The following CYSLTR1 variants were observed in gnomAD, a reference collection of about 807,000 sequenced individuals.
CYSLTR1 encodes the protein cysteinyl leukotriene receptor 1.
In CYSLTR1, 1 loss-of-function variant was observed where a neutral mutation model predicts 2.1. The observed-to-expected ratio is 0.48, with a 90% CI of 0.17 to 2.28. CYSLTR1 has a LOEUF of 2.28. CYSLTR1 is among the 30% of genes most tolerant of loss of function. The probability of loss-of-function intolerance (pLI) is 0.26; values close to 1 mark genes in which losing one functional copy is unlikely to be tolerated. For synonymous variants in CYSLTR1, 110 were observed against 89.6 expected, an observed-to-expected ratio of 1.23 and a Z score of -1.28; for missense variants, 299 against 250.1, an observed-to-expected ratio of 1.20 and a Z score of -1.32.
Position 78,273,215 on chromosome X carries a change from G to A in CYSLTR1, c.532C>T (p.Gln178Ter). 8.3e-7 allele frequency: 1 copy of A among 1,211,028 alleles called. No individual in the cohort carries two copies. Among genetic ancestry groups the A allele is most frequent in the African/African-American group, 1.7e-5 (1 of 57,708 alleles). The change falls in exon 3 of 3, where the codon CAA (glutamine) becomes TAA (stop). Residue 178 changes from glutamine (Q) to a stop codon, truncating the protein, a stop_gained. Coordinates refer to ENST00000373304, the MANE Select transcript of CYSLTR1 (RefSeq NM_006639.4). LOFTEE classifies it low-confidence loss of function (END_TRUNC). ...ACATGATTTTTAGTTTGATTGTCTT[G>A]TGGGGGCTCAAAGCACTTGGTATTA... ...KNNTKCFEPP[Q>*]DNQTKNHVLV... is the part of the protein sequence containing the mutation.
chrX:78,313,599 T>G (rs1406805037), intron 1 of CYSLTR1, among the ~76,000 whole-genome samples: 1 of 111,740 alleles, frequency 8.9e-6, no homozygotes, highest in East Asian at 2.8e-4. Context: ...CTCACTGAGA[T>G]GTATGAACTG....
chrX:78,319,699 C>T (rs185197659), intron 1 of CYSLTR1: 4 of 112,066 alleles, frequency 3.6e-5, no homozygotes, highest in African/African-American at 9.7e-5. Context: ...CAGACTTCCA[C>T]AATGGTTGGA....
At chrX:78,318,767 T>C (rs1923518905) in intron 1 of CYSLTR1, 1 of 111,690 alleles carries the variant, frequency 9.0e-6, no homozygotes, top group South Asian at 3.7e-4. Context: ...ACAGTAATAG[T>C]CTTCCAGTAA....
chrX:78,295,789 G>T (rs1395362486), intron 1 of CYSLTR1, among the ~76,000 whole-genome samples: 1 of 111,101 alleles, frequency 9.0e-6, no homozygotes, highest in Non-Finnish European at 1.9e-5. Flanking sequence ...ATATATTATG[G>T]TTATAAATCT....
At chrX:78,316,317 C>A (rs372512811) in intron 1 of CYSLTR1, among the ~76,000 whole-genome samples, 1 of 112,060 alleles carries the variant, frequency 8.9e-6, no homozygotes, top group Non-Finnish European at 1.9e-5. Context: ...GATTTTGCAA[C>A]AATTTCAACT....
chrX:78,318,225 G>A (rs775627765), intron 1 of CYSLTR1, among the ~76,000 whole-genome samples: 4 of 112,249 alleles, frequency 3.6e-5, no homozygotes, highest in Non-Finnish European at 5.6e-5. Context: ...ATGAGATTAT[G>A]TCCTTTGTAG....
At chrX:78,288,514 C>T (rs1447467474) in intron 1 of CYSLTR1, among the ~76,000 whole-genome samples, 1 of 108,322 alleles carries the variant, frequency 9.2e-6, no homozygotes, top group East Asian at 2.9e-4. Context: ...CCATTTGTTG[C>T]TTTGTCATTA....
intron 1 of CYSLTR1, among the ~76,000 whole-genome samples, chrX:78,288,574 A>T: frequency 9.1e-6 from 1 of 109,339 alleles, no homozygotes; most frequent in Admixed American, 9.7e-5. Context: ...TTTATTTTTC[A>T]TTTCTGTGGG....
At chrX:78,275,119 G>A (rs1320754381) in intron 2 of CYSLTR1, among the ~76,000 whole-genome samples, 27 of 111,395 alleles carry the variant, frequency 2.4e-4, no homozygotes, top group East Asian at 2.8e-4. Flanking sequence ...GAACACTTTT[G>A]CACTGTTGGT....
intron 1 of CYSLTR1, among the ~76,000 whole-genome samples, chrX:78,291,608 G>C (rs1349562365): frequency 2.7e-5 from 3 of 110,314 alleles, no homozygotes; most frequent in Non-Finnish European, 5.7e-5. Context: ...TTTTTTGGTT[G>C]GTAGGCTATT....
chrX:78,304,941 G>T (rs151336282), intron 1 of CYSLTR1, among the ~76,000 whole-genome samples: 1 of 111,486 alleles, frequency 9.0e-6, no homozygotes, highest in Non-Finnish European at 1.9e-5. Flanking sequence ...CCCTGTAATC[G>T]GTTACAGAAA....
At position 78,273,146 on chromosome X, in the gene CYSLTR1, G is replaced by T. The variant is rs1921370727; in HGVS notation, c.601C>A (p.Pro201Thr). The change falls in exon 3 of 3, where the codon CCT (proline) becomes ACT (threonine). Residue 201 changes from proline to threonine, a missense_variant. By Grantham distance (38) the Pro-to-Thr change is conservative. Transcript: ENST00000373304. ...TAACAGACAATTATAATAACAAAAGGGATGATAAAGCCAACAAACAATGAC... is the reference window on the plus strand; with the variant it reads ...TAACAGACAATTATAATAACAAAAGTGATGATAAAGCCAACAAACAATGAC... ...YVSLFVGFII[P>T]FVIIIVCYTM... 8.3e-7 allele frequency: 1 copy of T among 1,206,986 alleles called. No homozygotes were observed. Among genetic ancestry groups the T allele is most frequent in the Non-Finnish European group, 1.1e-6 (1 of 893,712 alleles).
At chrX:78,302,546 G>A (rs754311429) in intron 1 of CYSLTR1, among the ~76,000 whole-genome samples, 2 of 111,472 alleles carry the variant, frequency 1.8e-5, no homozygotes, top group African/African-American at 6.5e-5. Flanking sequence ...AAGATAGCAA[G>A]TCTCAGAGTG....
At chrX:78,299,305 G>C (rs1343224502) in intron 1 of CYSLTR1, among the ~76,000 whole-genome samples, 2 of 111,211 alleles carry the variant, frequency 1.8e-5, no homozygotes, top group Non-Finnish European at 3.8e-5. Context: ...TTTCTACTTA[G>C]TATATGAGTA....
chrX:78,297,131 A>G (rs1156479262), intron 1 of CYSLTR1, among the ~76,000 whole-genome samples: 1 of 111,770 alleles, frequency 8.9e-6, no homozygotes, highest in Non-Finnish European at 1.9e-5. Context: ...AATATTTTTC[A>G]GCATAAAATT....
At chrX:78,309,982 T>C (rs2147270284) in intron 1 of CYSLTR1, among the ~76,000 whole-genome samples, 1 of 112,495 alleles carries the variant, frequency 8.9e-6, no homozygotes, top group East Asian at 2.8e-4. Flanking sequence ...AGGCAAGGAT[T>C]GATCCATTAT....
At chrX:78,305,945 T>A (rs918897065) in intron 1 of CYSLTR1, among the ~76,000 whole-genome samples, 1 of 112,780 alleles carries the variant, frequency 8.9e-6, no homozygotes, top group Non-Finnish European at 1.9e-5. Flanking sequence ...TAAGTGTTCA[T>A]CAACAGATGA....
intron 1 of CYSLTR1, among the ~76,000 whole-genome samples, chrX:78,283,791 A>C (rs768463989): frequency 8.9e-6 from 1 of 112,220 alleles, no homozygotes; most frequent in South Asian, 3.7e-4. Context: ...TGCATGTAGC[A>C]TCTGTATCTA....
chrX:78,301,051 C>T (rs1922800434), intron 1 of CYSLTR1, among the ~76,000 whole-genome samples: 1 of 112,576 alleles, frequency 8.9e-6, no homozygotes, highest in South Asian at 3.7e-4. Context: ...TCCTTTTAGC[C>T]ATGGCTAGAG....
Sources: gnomAD v4.1 joint callset for allele counts (sites outside exome capture counted in the v4.1 genomes callset) on GRCh38, gnomAD v4.1.1 for gene constraint, MANE v1.5 for transcripts, NCBI Gene and HGNC (gene_info 2026-07-23, HGNC 2026-07-21) for gene names.